Variants in KDM2B observed in about 807,000 individuals in gnomAD.
KDM2B encodes lysine demethylase 2B.
A neutral mutation model predicts 150.0 loss-of-function variants in KDM2B; 26 were observed. That is an observed-to-expected ratio of 0.17 (90% confidence interval 0.13 to 0.24). KDM2B has a LOEUF of 0.24. Ranked by LOEUF, KDM2B falls within the 10% of genes least tolerant of loss-of-function variation. The pLI is 1.00. For synonymous variants in KDM2B, 734 were observed against 729.5 expected (o/e 1.01, Z -0.10); for missense variants, 1,265 against 1,816.9 (o/e 0.70, Z 5.52).
chr12:121,428,972 G>A (rs552435718), downstream of KDM2B: 12 of 152,368 alleles, frequency 7.9e-5, no homozygotes, highest in Admixed American at 7.2e-4. Flanking sequence ...ATTCCTACGC[G>A]TGGCCGTTGT....
chr12:121,438,749 C>T (rs1381007454), intron 22 of KDM2B, among the ~76,000 whole-genome samples: 8 of 151,854 alleles, frequency 5.3e-5, no homozygotes, highest in East Asian at 1.9e-4. Flanking sequence ...GAGAAAACAA[C>T]GTGTATGTCA....
chr12:121,411,305 A>G, the KDM2B span, among the ~76,000 whole-genome samples: 1 of 152,138 alleles, frequency 6.6e-6, no homozygotes, highest in African/African-American at 2.4e-5. Flanking sequence ...ACAAAGAGGA[A>G]ATTCCCTTCC....
chr12:121,522,086 G>A (rs1886736181), intron 8 of KDM2B, among the ~76,000 whole-genome samples: 2 of 151,822 alleles, frequency 1.3e-5, no homozygotes, highest in South Asian at 2.1e-4. Context: ...TCCAGCCTGG[G>A]TAACAGAGAT....
At chr12:121,503,652 G>A (rs1884797055) in intron 11 of KDM2B, among the ~76,000 whole-genome samples, 1 of 152,142 alleles carries the variant, frequency 6.6e-6, no homozygotes, top group Non-Finnish European at 1.5e-5. Context: ...TGAGGGGGCT[G>A]CTGAGAGGTG....
chr12:121,579,357 T>G (rs1250235687), intron 1 of KDM2B, among the ~76,000 whole-genome samples: 1 of 151,604 alleles, frequency 6.6e-6, no homozygotes, highest in Non-Finnish European at 1.5e-5. Flanking sequence ...GGCTCGGCGG[T>G]AACAGCAGCC....
intron 12 of KDM2B, among the ~76,000 whole-genome samples, chr12:121,476,058 G>A (rs1881334552): frequency 6.6e-6 from 1 of 152,012 alleles, no homozygotes; most frequent in African/African-American, 2.4e-5. Flanking sequence ...ACTTTGGGAG[G>A]CCAAGGCGGG....
At chr12:121,477,550 A>ATTT (rs1881518485) in intron 12 of KDM2B, among the ~76,000 whole-genome samples, 1 of 142,426 alleles carries the variant, frequency 7.0e-6, no homozygotes, top group Non-Finnish European at 1.5e-5. Context: ...TGCCCAGCTA[A>ATTT]TTTTTTTCTT....
intron 14 of KDM2B, chr12:121,445,026 C>G (rs2138283522): frequency 3.9e-6 from 2 of 513,780 alleles, no homozygotes; most frequent in South Asian, 2.4e-5. Context: ...TGCTGAGGCT[C>G]TGGAAACCCT....
At chr12:121,420,168 T>C in the KDM2B span, 2 of 1,348,964 alleles carry the variant, frequency 1.5e-6, no homozygotes, top group Non-Finnish European at 2.1e-6. Context: ...ATGGGGAGCA[T>C]CAATGACAAG....
At position 121,520,880 on chromosome 12, in the gene KDM2B, A is replaced by G; in HGVS notation, c.1047+105T>C. ...CAGCTTGAGAGAGGAATCGGGAGGG[A>G]GAGGGGAACTGTGGAGGACTTCAGT... On this transcript the variant is annotated intron_variant, in intron 9 of 22. Transcript: ENST00000377071. This position sits in a 1 kb window ranked among gnomAD's most constrained non-coding sequence, Gnocchi z 4.5. 3.6e-5 allele frequency: 17 copies of G among 478,696 alleles called. No individual in the cohort carries two copies. The highest frequency in any genetic ancestry group is 8.1e-5 in the South Asian group (4 of 49,530). The allele number at this position is 478,696 out of a possible 1,614,324, so 29.7% of individuals were successfully genotyped here. A position where few individuals can be genotyped will look rare whatever the true frequency, so the allele number is the denominator to read the frequency against.
intron 6 of KDM2B, among the ~76,000 whole-genome samples, chr12:121,543,335 G>A (rs543559390): frequency 2.0e-5 from 3 of 151,974 alleles, no homozygotes; most frequent in Non-Finnish European, 2.9e-5. Context: ...CAGCCTGGGC[G>A]ACAGAGTGAA....
In KDM2B at chr12:121,505,937, A is replaced by G. The variant is rs192231313; in HGVS notation, c.1647+3630T>C. Among the ~76,000 whole-genome samples, 208 of 152,336 alleles carry G rather than the reference A, an allele frequency of 1.4e-3. 2 individuals carry two copies. Among genetic ancestry groups the G allele is most frequent in the Admixed American group, 2.1e-3 (32 of 15,300 alleles). On this transcript the variant is annotated intron_variant, in intron 11 of 22. Transcript: ENST00000377071. ...GGCGACAGAGCGTACATCTGGGGAG[A>G]ACAGGCTGCCCACCCTCTGTGGCAG...
chr12:121,580,337 G>T (rs1362509555), intron 1 of KDM2B: 19 of 1,165,210 alleles, frequency 1.6e-5, no homozygotes, highest in South Asian at 7.0e-5. Context: ...CGGGCTATTT[G>T]GGGGGGCTCT....
At position 121,575,961 on chromosome 12, in the gene KDM2B, G is replaced by A. The variant is rs1594165770; in HGVS notation, c.272-102C>T. ...AAGAAAACTGATGGACGAAGGGGCA[G>A]GGGGTCCAGGAGATGCAGGCACCAG... On this transcript the variant is annotated intron_variant, in intron 2 of 22. Transcript: ENST00000377071. The surrounding 1 kb of genome is among the most constrained non-coding windows in gnomAD (Gnocchi z 4.4). 9.7e-6 allele frequency: 8 copies of A among 828,456 alleles called. No individual in the cohort carries two copies. In the South Asian group the frequency reaches 9.7e-5, roughly 10 times the overall value. The allele number at this position is 828,456 out of a possible 1,614,324, so 51.3% of individuals were successfully genotyped here.
intron 17 of KDM2B, chr12:121,443,431 G>A (rs1875540911): frequency 1.7e-6 from 1 of 587,484 alleles, no homozygotes; most frequent in Middle Eastern, 4.5e-4. Context: ...CGGCCCGTGG[G>A]TGGAGCAGGG....
At chr12:121,555,517 C>T (rs1889823311) in intron 4 of KDM2B, among the ~76,000 whole-genome samples, 1 of 152,062 alleles carries the variant, frequency 6.6e-6, no homozygotes, top group African/African-American at 2.4e-5. Flanking sequence ...GGATTACAGG[C>T]GTGGGCCACC....
chr12:121,575,406 TG>T lies in KDM2B; in HGVS notation c.350+374del, dbSNP rs1891434906. On this transcript the variant is annotated intron_variant, in intron 3 of 22. Coordinates refer to ENST00000377071, the MANE Select transcript of KDM2B (RefSeq NM_032590.5). The surrounding 1 kb of genome is among the most constrained non-coding windows in gnomAD (Gnocchi z 4.4). ...AACATGTATCTAGGTGCCCTGGGTC[TG>T]GGCTTAGAGGCTGGCTAGTCTCTTT... Among the ~76,000 whole-genome samples, 1 of 152,212 alleles carries T rather than the reference TG, an allele frequency of 6.6e-6. No homozygotes were observed. The highest frequency in any genetic ancestry group is 2.4e-5 in the African/African-American group (1 of 41,452).
chr12:121,570,374 C>T (rs115104100), intron 4 of KDM2B, among the ~76,000 whole-genome samples: 3,086 of 152,020 alleles, frequency 0.02, 112 homozygotes, highest in African/African-American at 0.07. Flanking sequence ...TTTGTAGAGA[C>T]GAGGTTTTGC....
chr12:121,482,885 G>GC (rs1882309457), intron 12 of KDM2B, among the ~76,000 whole-genome samples: 1 of 152,144 alleles, frequency 6.6e-6, no homozygotes, highest in Admixed American at 6.6e-5. Flanking sequence ...ACGTTATTGG[G>GC]CCAGGTGCAG....
Sources: gnomAD v4.1 joint callset for allele counts (sites outside exome capture counted in the v4.1 genomes callset) on GRCh38, gnomAD v4.1.1 for gene constraint, Gnocchi (gnomAD v3.1) non-coding constraint, MANE v1.5 for transcripts, NCBI Gene and HGNC (gene_info 2026-07-23, HGNC 2026-07-21) for gene names.